FAF1: variants seen among roughly 807,000 people sequenced by gnomAD.
The protein encoded by FAF1 is Fas associated factor 1.
Under a neutral mutation model 92.5 loss-of-function variants are expected in FAF1, and 25 were observed. The ratio of observed to expected loss-of-function variants is 0.27; its 90% CI spans 0.20 to 0.38. FAF1 has a LOEUF of 0.38. Among genes scored for constraint, FAF1 ranks in the 10% least tolerant of loss-of-function variants. The pLI is 1.00. For missense variants in FAF1, 636 were observed against 793.3 expected (o/e 0.80, Z 2.38); for synonymous variants, 234 against 273.2 (o/e 0.86, Z 1.42).
At chr1:50,834,048 G>T (rs1258736655) in intron 2 of FAF1, among the ~76,000 whole-genome samples, 1 of 152,208 alleles carries the variant, frequency 6.6e-6, no homozygotes, top group Non-Finnish European at 1.5e-5. Flanking sequence ...GGTGGCAGGC[G>T]ACTGGATCAT....
At position 50,652,998 on chromosome 1, in the gene FAF1, T is replaced by C. The variant is rs181979872; in HGVS notation, c.744+2444A>G. Among the ~76,000 whole-genome samples, 845 of 152,322 alleles carry C rather than the reference T, an allele frequency of 5.5e-3. 4 individuals carry two copies. Among genetic ancestry groups the C allele is most frequent in the Middle Eastern group, 0.014 (4 of 294 alleles). On this transcript the variant is annotated intron_variant, in intron 8 of 18. Transcript: ENST00000396153. ...TGCTCAGGTCTTAATTATCTTCTTC[T>C]ATTAATATTACTATTTCTTGTAACA...
chr1:50,563,500 T>C (rs1650029131), intron 13 of FAF1, among the ~76,000 whole-genome samples: 1 of 152,070 alleles, frequency 6.6e-6, no homozygotes, highest in East Asian at 1.9e-4. Flanking sequence ...GTTTTAAGAA[T>C]GGCTCTGAAA....
chr1:50,768,151 A>G (rs2124541075), intron 4 of FAF1, among the ~76,000 whole-genome samples: 1 of 152,286 alleles, frequency 6.6e-6, no homozygotes, highest in East Asian at 1.9e-4. Context: ...TGCTATTCTA[A>G]CTTCAGACAA....
chr1:50,761,683 G>C (rs1471745117), intron 4 of FAF1, among the ~76,000 whole-genome samples: 6 of 152,170 alleles, frequency 3.9e-5, no homozygotes, highest in Non-Finnish European at 5.9e-5. Context: ...TTGATGGGAC[G>C]TATCTCAAAA....
chr1:50,908,121 C>T (rs1445240386), intron 1 of FAF1, among the ~76,000 whole-genome samples: 5 of 152,136 alleles, frequency 3.3e-5, no homozygotes, highest in South Asian at 4.1e-4. Context: ...GCCTTCATTT[C>T]GTTATATACC....
intron 1 of FAF1, among the ~76,000 whole-genome samples, chr1:50,915,921 T>TC (rs200417675): frequency 1.3e-5 from 2 of 151,960 alleles, no homozygotes; most frequent in African/African-American, 2.4e-5. Flanking sequence ...CCTTTTTTTT[T>TC]CCCCTAAAGC....
At chr1:50,656,979 G>A (rs145436707) in intron 7 of FAF1, among the ~76,000 whole-genome samples, 1 of 152,212 alleles carries the variant, frequency 6.6e-6, no homozygotes, top group African/African-American at 2.4e-5. Context: ...AGGAGGTCAA[G>A]GTACAAGGAT....
intron 12 of FAF1, among the ~76,000 whole-genome samples, chr1:50,575,521 T>A (rs1014306367): frequency 1.3e-5 from 2 of 152,224 alleles, no homozygotes; most frequent in African/African-American, 4.8e-5. Context: ...AGGTTTGGAA[T>A]TATGTGGTGT....
chr1:50,757,210 G>C (rs1660111149), intron 4 of FAF1, among the ~76,000 whole-genome samples: 1 of 152,146 alleles, frequency 6.6e-6, no homozygotes, highest in African/African-American at 2.4e-5. Flanking sequence ...CATGTCTTTT[G>C]CTGTTATAAT....
At chr1:50,565,079 G>A (rs1043934240) in intron 13 of FAF1, among the ~76,000 whole-genome samples, 13 of 151,768 alleles carry the variant, frequency 8.6e-5, no homozygotes, top group African/African-American at 3.1e-4. Context: ...TTTACAGATT[G>A]TTTCATCAAC....
At chr1:50,726,745 C>T (rs541260020) in intron 6 of FAF1, among the ~76,000 whole-genome samples, 1 of 152,220 alleles carries the variant, frequency 6.6e-6, no homozygotes, top group African/African-American at 2.4e-5. Flanking sequence ...AGGAGAATGG[C>T]GTGAATCCGG....
rs570205879 is a variant in FAF1 at position 50,567,181 on chromosome 1, G to A, written c.1164C>T (p.Asn388=). ...CACAAAGCATTTGTGAGCAGAACACGTTGGTTAACACACTTTCATCATGGT... is the reference window on the plus strand; with the variant it reads ...CACAAAGCATTTGTGAGCAGAACACATTGGTTAACACACTTTCATCATGGT... ...YLHHDESVLT[N]VFCSQMLCAE... is the part of the protein sequence containing the mutation. Residue 388 remains asparagine, a synonymous_variant, in exon 13 of 19, where the codon AAC becomes AAT. Coordinates refer to ENST00000396153, the MANE Select transcript of FAF1 (RefSeq NM_007051.3). 11 of 1,610,454 alleles carry A rather than the reference G, an allele frequency of 6.8e-6. No individual in the cohort carries two copies. In the Admixed American group the frequency reaches 1.0e-4, roughly 15 times the overall value.
intron 9 of FAF1, among the ~76,000 whole-genome samples, chr1:50,595,534 CA>C (rs563389600): frequency 6.6e-6 from 1 of 151,304 alleles, no homozygotes; most frequent in Admixed American, 6.6e-5. Context: ...CAGTCAATAG[CA>C]AAAAAAAGTT....
chr1:50,453,962 C>G (rs1646323632), intron 18 of FAF1, among the ~76,000 whole-genome samples: 1 of 152,158 alleles, frequency 6.6e-6, no homozygotes, highest in African/African-American at 2.4e-5. Flanking sequence ...CCTGTGTGCT[C>G]TAGGACAAGT....
intron 6 of FAF1, among the ~76,000 whole-genome samples, chr1:50,708,033 C>T (rs570102687): frequency 2.0e-5 from 3 of 152,234 alleles, no homozygotes; most frequent in Admixed American, 6.5e-5. Flanking sequence ...TGGTCTTGAA[C>T]TCCTGACCTC....
At chr1:50,531,371 T>A (rs775478127) in intron 15 of FAF1, among the ~76,000 whole-genome samples, 3 of 152,210 alleles carry the variant, frequency 2.0e-5, no homozygotes, top group Non-Finnish European at 2.9e-5. Flanking sequence ...GATCACAAAC[T>A]AAGTATCACA....
At chr1:50,708,276 G>A (rs956698395) in intron 6 of FAF1, among the ~76,000 whole-genome samples, 2 of 152,194 alleles carry the variant, frequency 1.3e-5, no homozygotes, top group African/African-American at 4.8e-5. Context: ...TAAGGTGGTA[G>A]AGGCACAGAT....
intron 9 of FAF1, among the ~76,000 whole-genome samples, chr1:50,592,796 G>A (rs967358518): frequency 1.3e-5 from 2 of 152,022 alleles, no homozygotes; most frequent in Non-Finnish European, 2.9e-5. Context: ...CAAAATGCCG[G>A]GCATGGTGGC....
chr1:50,581,208 G>A (rs954095241), intron 12 of FAF1, among the ~76,000 whole-genome samples: 1 of 152,076 alleles, frequency 6.6e-6, no homozygotes, highest in Non-Finnish European at 1.5e-5. Context: ...TTTTAAAAGG[G>A]CTATTCTGCT....
Sources: gnomAD v4.1 joint callset for allele counts (sites outside exome capture counted in the v4.1 genomes callset) on GRCh38, gnomAD v4.1.1 for gene constraint, MANE v1.5 for transcripts, NCBI Gene and HGNC (gene_info 2026-07-23, HGNC 2026-07-21) for gene names.